HCN1: variants seen among roughly 807,000 people sequenced by gnomAD.
HCN1 encodes potassium/sodium hyperpolarization-activated cyclic nucleotide-gated channel 1.
HCN1 carries 13 observed loss-of-function variants against 78.9 expected under a neutral mutation model. That is an observed-to-expected ratio of 0.16 (90% CI 0.11 to 0.26). HCN1 has a LOEUF of 0.26. Among genes scored for constraint, HCN1 ranks in the 10% least tolerant of loss-of-function variants. HCN1 has a pLI of 1.00. For missense variants in HCN1, 810 were observed against 1,154.3 expected, an observed-to-expected ratio of 0.70 and a Z score of 4.32; for synonymous variants, 552 against 455.5, an observed-to-expected ratio of 1.21 and a Z score of -2.70.
At chr5:45,319,129 T>C (rs1335916119) in intron 5 of HCN1, among the ~76,000 whole-genome samples, 1 of 152,002 alleles carries the variant, frequency 6.6e-6, no homozygotes, top group East Asian at 1.9e-4. Flanking sequence ...TTTAGGCTAA[T>C]AAAATAAATG....
chr5:45,441,286 A>G (rs112919000), intron 3 of HCN1, among the ~76,000 whole-genome samples: 4 of 152,180 alleles, frequency 2.6e-5, no homozygotes, highest in African/African-American at 9.6e-5. Context: ...TATTATCAAT[A>G]TATTTGCCAT....
chr5:45,340,199 G>A (rs1035744503), intron 5 of HCN1, among the ~76,000 whole-genome samples: 1 of 152,152 alleles, frequency 6.6e-6, no homozygotes, highest in Non-Finnish European at 1.5e-5. Flanking sequence ...GGGATTACAG[G>A]CATGAGCCAC....
chr5:45,478,907 A>C (rs1741582764), intron 2 of HCN1, among the ~76,000 whole-genome samples: 1 of 152,146 alleles, frequency 6.6e-6, no homozygotes, highest in Admixed American at 6.6e-5. Flanking sequence ...GCAGATCATG[A>C]GGTCAGAAGT....
intron 2 of HCN1, among the ~76,000 whole-genome samples, chr5:45,627,933 CA>C (rs1216064103): frequency 6.6e-6 from 1 of 152,120 alleles, no homozygotes; most frequent in African/African-American, 2.4e-5. Context: ...AAAGTGTCAA[CA>C]ATACTCTTAG....
intron 2 of HCN1, among the ~76,000 whole-genome samples, chr5:45,473,799 T>G (rs1741457347): frequency 6.6e-6 from 1 of 151,880 alleles, no homozygotes; most frequent in African/African-American, 2.4e-5. Context: ...CTTCACTTTT[T>G]ATCATGCATT....
chr5:45,431,543 C>T (rs192047438), intron 3 of HCN1, among the ~76,000 whole-genome samples: 10 of 152,128 alleles, frequency 6.6e-5, no homozygotes, highest in African/African-American at 2.4e-4. Context: ...CCTAGGTTAT[C>T]TTCCAGGGTC....
intron 3 of HCN1, among the ~76,000 whole-genome samples, chr5:45,412,973 C>T (rs895946699): frequency 3.3e-5 from 5 of 152,026 alleles, no homozygotes; most frequent in African/African-American, 7.2e-5. Flanking sequence ...TTTGAACATT[C>T]TTGGCTTGCC....
chr5:45,492,874 CTT>C (rs973323829), intron 2 of HCN1, among the ~76,000 whole-genome samples: 1 of 151,958 alleles, frequency 6.6e-6, no homozygotes, highest in African/African-American at 2.4e-5. Context: ...TAGAAAAACT[CTT>C]TGAGGCATGA....
intron 3 of HCN1, among the ~76,000 whole-genome samples, chr5:45,416,824 T>C (rs1185508368): frequency 6.6e-6 from 1 of 151,938 alleles, no homozygotes; most frequent in Non-Finnish European, 1.5e-5. Flanking sequence ...AAGCTACAGA[T>C]TTTGGAAAAA....
chr5:45,566,892 G>A (rs1409662095), intron 2 of HCN1, among the ~76,000 whole-genome samples: 1 of 152,124 alleles, frequency 6.6e-6, no homozygotes, highest in East Asian at 1.9e-4. Flanking sequence ...TCAGTATTAG[G>A]TGAGCCATAC....
At chr5:45,477,882 T>C (rs557794723) in intron 2 of HCN1, among the ~76,000 whole-genome samples, 1 of 152,304 alleles carries the variant, frequency 6.6e-6, no homozygotes, top group South Asian at 2.1e-4. Flanking sequence ...ACCATTTTTC[T>C]ACAAGCATAG....
At chr5:45,497,926 T>C (rs1742082658) in intron 2 of HCN1, among the ~76,000 whole-genome samples, 1 of 152,218 alleles carries the variant, frequency 6.6e-6, no homozygotes, top group South Asian at 2.1e-4. Flanking sequence ...CACTCTCTTC[T>C]GGCTTGTAGA....
chr5:45,428,855 A>G lies in HCN1; in HGVS notation c.1012-32145T>C, dbSNP rs183688088. Among the ~76,000 whole-genome samples, 410 of 152,220 alleles carry G rather than the reference A, an allele frequency of 2.7e-3. 2 individuals carry two copies. The highest frequency in any genetic ancestry group is 9.1e-3 in the African/African-American group (379 of 41,566). On this transcript the variant is annotated intron_variant, in intron 3 of 7. Transcript: ENST00000303230. ...AAGCTAAATAAAATATTAATGTACT[A>G]TATATATTATACACAATATAATGTT...
intron 3 of HCN1, among the ~76,000 whole-genome samples, chr5:45,455,566 T>C (rs1741012840): frequency 6.6e-6 from 1 of 151,924 alleles, no homozygotes; most frequent in South Asian, 2.1e-4. Context: ...ATACACTTAA[T>C]TCATAGCTAA....
intron 5 of HCN1, among the ~76,000 whole-genome samples, chr5:45,330,149 T>TTAC (rs1442583709): frequency 5.9e-5 from 9 of 151,354 alleles, no homozygotes; most frequent in Non-Finnish European, 1.5e-5. Flanking sequence ...CATTGCTGAA[T>TTAC]TACTATTAAA....
chr5:45,326,045 C>T (rs541792076), intron 5 of HCN1, among the ~76,000 whole-genome samples: 1 of 151,224 alleles, frequency 6.6e-6, no homozygotes, highest in Admixed American at 6.6e-5. Flanking sequence ...TATTTAACTC[C>T]CCTTTCATTA....
chr5:45,335,418 C>T (rs1310939974), intron 5 of HCN1, among the ~76,000 whole-genome samples: 2 of 151,986 alleles, frequency 1.3e-5, no homozygotes, highest in Non-Finnish European at 2.9e-5. Context: ...TCTAACATTT[C>T]AATATCAAAT....
intron 3 of HCN1, among the ~76,000 whole-genome samples, chr5:45,439,240 T>G (rs1231512457): frequency 1.3e-5 from 2 of 152,144 alleles, no homozygotes; most frequent in African/African-American, 2.4e-5. Flanking sequence ...TAGTGTAAGT[T>G]TCTCTCTTTC....
At chr5:45,340,942 A>T (rs1746566632) in intron 5 of HCN1, among the ~76,000 whole-genome samples, 1 of 152,212 alleles carries the variant, frequency 6.6e-6, no homozygotes, top group Non-Finnish European at 1.5e-5. Flanking sequence ...CTGCTAATTC[A>T]TTTGGGGCAT....
Sources: gnomAD v4.1 joint callset for allele counts (sites outside exome capture counted in the v4.1 genomes callset) on GRCh38, gnomAD v4.1.1 for gene constraint, MANE v1.5 for transcripts, NCBI Gene and HGNC (gene_info 2026-07-23, HGNC 2026-07-21) for gene names.